Variants in CELSR1 observed in about 807,000 individuals in gnomAD.
CELSR1 encodes adhesion G protein-coupled receptor C1.
A neutral mutation model predicts 249.1 loss-of-function variants in CELSR1; 110 were observed. The observed-to-expected ratio is 0.44, with a 90% CI of 0.38 to 0.52. CELSR1 has a LOEUF of 0.52. Among genes scored for constraint, CELSR1 ranks in the 20% least tolerant of loss-of-function variants. CELSR1 has a pLI of 0.00. For synonymous variants in CELSR1, 2,113 were observed against 1,900.0 expected, an observed-to-expected ratio of 1.11 and a Z score of -2.92; for missense variants, 4,109 against 4,296.4, an observed-to-expected ratio of 0.96 and a Z score of 1.22.
At chr22:46,422,941 A>G (rs2079494670) in intron 5 of CELSR1, among the ~76,000 whole-genome samples, 1 of 152,196 alleles carries the variant, frequency 6.6e-6, no homozygotes, top group East Asian at 1.9e-4. Flanking sequence ...TATAAGGGCC[A>G]CGATGATGCC....
chr22:46,371,594 C>T (rs1476214466), intron 25 of CELSR1, among the ~76,000 whole-genome samples: 1 of 151,192 alleles, frequency 6.6e-6, no homozygotes, highest in Admixed American at 6.6e-5. Flanking sequence ...TTACTCATTT[C>T]ATTGTCATCC....
rs756923772 is a variant in CELSR1, at chr22:46,534,081, A to G, written c.3090T>C (p.Pro1030=). 6.2e-7 allele frequency: 1 copy of G among 1,613,744 alleles called. No homozygotes were observed. The highest frequency in any genetic ancestry group is 1.7e-5 in the Admixed American group (1 of 60,020). ...CAATCTGATACATGATCTGGGCATTAGGGCCTTCATCAGGGTCGTTAGCAC... is the reference window on the plus strand; with the variant it reads ...CAATCTGATACATGATCTGGGCATTGGGGCCTTCATCAGGGTCGTTAGCAC... ...KIRANDPDEG[P]NAQIMYQIVE... Residue 1030 remains proline, a synonymous_variant, in exon 1 of 35, where the codon CCT becomes CCC. Transcript: ENST00000674500. This position sits in a 1 kb window ranked among gnomAD's most constrained non-coding sequence, Gnocchi z 9.7.
At chr22:46,507,262 A>T (rs142704444) in intron 1 of CELSR1, among the ~76,000 whole-genome samples, 3 of 152,290 alleles carry the variant, frequency 2.0e-5, no homozygotes, top group African/African-American at 7.2e-5. Context: ...CCCCAGAGAG[A>T]GCACAGAGGC....
intron 1 of CELSR1, among the ~76,000 whole-genome samples, chr22:46,465,919 G>A (rs1602176683): frequency 6.6e-6 from 1 of 152,220 alleles, no homozygotes. Flanking sequence ...TCATGCCCTG[G>A]GTGCTGTTGC....
At position 46,369,640 on chromosome 22, in the gene CELSR1, C is replaced by G. The variant is rs1375998766; in HGVS notation, c.7872+52G>C. 5.2e-6 allele frequency: 8 copies of G among 1,542,504 alleles called. No individual in the cohort carries two copies. The African/African-American group carries it at 6.8e-5, about 13-fold the overall frequency. On this transcript the variant is annotated intron_variant, in intron 26 of 34. Coordinates refer to ENST00000674500, the MANE Select transcript of CELSR1 (RefSeq NM_001378328.1). ...CCCAGCCAACCCAGAACAGCCCTTC[C>G]AGCTCATGCATGTTTGGGGCACCCG...
At chr22:46,497,303 A>G (rs1490260930) in intron 1 of CELSR1, among the ~76,000 whole-genome samples, 1 of 152,256 alleles carries the variant, frequency 6.6e-6, no homozygotes, top group Non-Finnish European at 1.5e-5. Flanking sequence ...ATCTGTGAAT[A>G]ACAGCAATGT....
At chr22:46,404,462 C>T (rs1330715863) in intron 9 of CELSR1, among the ~76,000 whole-genome samples, 4 of 152,024 alleles carry the variant, frequency 2.6e-5, no homozygotes, top group South Asian at 2.1e-4. Flanking sequence ...TGCTTGCTAA[C>T]CTAGAAATCT....
chr22:46,396,928 CAG>C lies in CELSR1; in HGVS notation c.5702-184_5702-183del, dbSNP rs2079154131. On this transcript the variant is annotated intron_variant, in intron 12 of 34. Coordinates refer to ENST00000674500, the MANE Select transcript of CELSR1 (RefSeq NM_001378328.1). This position sits in a 1 kb window ranked among gnomAD's most constrained non-coding sequence, Gnocchi z 6.4. ...GTTAGGCGGGTTAGACTTAGTGATG[CAG>C]AGAGGAAGGCCTTCCCGGGCTGCCC... 6.6e-6 allele frequency among the ~76,000 whole-genome samples: 1 copy of C among 152,118 alleles called. No individual in the cohort carries two copies. The highest frequency in any genetic ancestry group is 1.5e-5 in the Non-Finnish European group (1 of 68,028).
chr22:46,386,757 TTG>T lies in CELSR1; in HGVS notation c.6556-174_6556-173del, dbSNP rs200439059. Among the ~76,000 whole-genome samples the T allele has an allele frequency of 4.7e-3, 721 of 152,046 alleles. 4 individuals carry two copies. Among genetic ancestry groups the T allele is most frequent in the African/African-American group, 0.016 (655 of 41,312 alleles). On this transcript the variant is annotated intron_variant, in intron 18 of 34. Transcript: ENST00000674500. ...GTTGTTTTTTGTTTTTTGTTGTTTT[TTG>T]TGTTTTTTTTTGAGACACACTTCCG...
In CELSR1 at chr22:46,409,101, G is replaced by C; in HGVS notation, c.5121C>G (p.Ile1707Met). 6.2e-7 allele frequency: 1 copy of C among 1,612,448 alleles called. No individual in the cohort carries two copies. Among genetic ancestry groups the C allele is most frequent in the Non-Finnish European group, 8.5e-7 (1 of 1,179,438 alleles). The change falls in exon 9 of 35, where the codon ATC (isoleucine) becomes ATG (methionine). Residue 1707 changes from isoleucine to methionine, a missense_variant. Around this residue, in one of 7 missense-constraint regions of CELSR1, gnomAD observed 16 missense variants for 40.1 expected, o/e 0.40. Coordinates refer to ENST00000674500, the MANE Select transcript of CELSR1 (RefSeq NM_001378328.1). The surrounding 1 kb of genome is among the most constrained non-coding windows in gnomAD (Gnocchi z 9.8). The part of the protein sequence containing the change: ...ESVVSWSDLN[I>M]IISVPWYLGL... ...CCAGGTACCAGGGCACAGAGATGATGATGTTCAGGTCACTCCAGGACACGA... is the reference window on the plus strand; with the variant it reads ...CCAGGTACCAGGGCACAGAGATGATCATGTTCAGGTCACTCCAGGACACGA...
At chr22:46,485,776 C>A (rs1354987406) in intron 1 of CELSR1, among the ~76,000 whole-genome samples, 1 of 152,128 alleles carries the variant, frequency 6.6e-6, no homozygotes, top group Non-Finnish European at 1.5e-5. Context: ...CGCACTGGAG[C>A]CATCAGACCC....
chr22:46,518,609 T>G lies in CELSR1; in HGVS notation c.3544+15018A>C, dbSNP rs2080652680. Among the ~76,000 whole-genome samples, 1 of 152,168 alleles carries G rather than the reference T, an allele frequency of 6.6e-6. No homozygotes were observed. Among genetic ancestry groups the G allele is most frequent in the South Asian group, 2.1e-4 (1 of 4,820 alleles). On this transcript the variant is annotated intron_variant, in intron 1 of 34. Transcript: ENST00000674500. The surrounding 1 kb of genome is among the most constrained non-coding windows in gnomAD (Gnocchi z 5.2). ...CTAACTTGGAAATAAAGGCTGCAGA[T>G]GAAGATATAAATTAAGATGGGGCCA... is the stretch of plus-strand genomic sequence containing the variant.
intron 1 of CELSR1, among the ~76,000 whole-genome samples, chr22:46,499,138 C>A (rs1020206723): frequency 1.3e-5 from 2 of 150,084 alleles, no homozygotes; most frequent in African/African-American, 2.5e-5. Context: ...CGAGATCGTG[C>A]CACTGCACTC....
Position 46,380,840 on chromosome 22 carries a change from C to A in CELSR1, c.7204G>T (p.Glu2402Ter). The change falls in exon 22 of 35, where the codon GAG becomes TAG. Residue 2402 changes from glutamate to a stop codon, truncating the protein, a stop_gained. Transcript: ENST00000674500. LOFTEE classifies it high-confidence loss of function. The surrounding 1 kb of genome is among the most constrained non-coding windows in gnomAD (Gnocchi z 5.1). Reference protein sequence around the residue: ...RPVLVEFALLEVEERTKPVCV... With the variant: ...RPVLVEFALL ...ACAGGCTTGGTTCGCTCCTCCACCTCCAGCAGGGCGAACTCCACCAGGACG... is the reference window on the plus strand; with the variant it reads ...ACAGGCTTGGTTCGCTCCTCCACCTACAGCAGGGCGAACTCCACCAGGACG... 6.2e-7 allele frequency: 1 copy of A among 1,612,192 alleles called. No homozygotes were observed. The highest frequency in any genetic ancestry group is 8.5e-7 in the Non-Finnish European group (1 of 1,179,842).
At position 46,400,379 on chromosome 22, in the gene CELSR1, T is replaced by C. The variant is rs574092725; in HGVS notation, c.5227-477A>G. ...TTGGCTGGGAGCAGTGGCTCAGGCC[T>C]TTAATCCCAGCACGTTGGGAGGCCA... On this transcript the variant is annotated intron_variant, in intron 9 of 34. Transcript: ENST00000674500. Among the ~76,000 whole-genome samples, 63 of 151,006 alleles carry C rather than the reference T, an allele frequency of 4.2e-4. 1 individual carries two copies. Among genetic ancestry groups the C allele is most frequent in the African/African-American group, 1.5e-3 (61 of 41,186 alleles).
At chr22:46,366,867 G>T in intron 29 of CELSR1, 126 bp downstream of exon 29, 1 of 1,335,004 alleles carries the variant, frequency 7.5e-7, no homozygotes, top group Non-Finnish European at 1.0e-6. Context: ...CACCGCGGGC[G>T]GCTCTGCCAT....
In CELSR1 at chr22:46,412,561, C is replaced by A. The variant is rs2079350867; in HGVS notation, c.4612-802G>T. ...ACAAGAGTTCTTCTGGAATCAGTGA[C>A]CTTGGGTGAAACCTTTCCCTTCTCC... On this transcript the variant is annotated intron_variant, in intron 5 of 34. Transcript: ENST00000674500. This position sits in a 1 kb window ranked among gnomAD's most constrained non-coding sequence, Gnocchi z 4.5. 6.6e-6 allele frequency among the ~76,000 whole-genome samples: 1 copy of A among 152,158 alleles called. No individual in the cohort carries two copies.
At chr22:46,525,951 G>A (rs1285061967) in intron 1 of CELSR1, among the ~76,000 whole-genome samples, 2 of 152,240 alleles carry the variant, frequency 1.3e-5, no homozygotes. Flanking sequence ...GCCGGCTCCT[G>A]CCCAGGGCTT....
Position 46,366,410 on chromosome 22 carries a change from G to A in CELSR1, c.8276C>T (p.Thr2759Ile), listed in dbSNP as rs1372761956. 4 of 1,549,826 alleles carry A rather than the reference G, an allele frequency of 2.6e-6. No individual in the cohort carries two copies. The highest frequency in any genetic ancestry group is 3.5e-6 in the Non-Finnish European group (4 of 1,146,500). The change falls in exon 30 of 35, where the codon ACC becomes ATC. Residue 2759 changes from threonine to isoleucine, a missense_variant. Physicochemically the swap from Thr to Ile is moderately conservative, Grantham distance 89 (BLOSUM62 -1). Coordinates refer to ENST00000674500, the MANE Select transcript of CELSR1 (RefSeq NM_001378328.1). ...CCTGACGATGCTGTCCAGCGAGGCG[G>A]TGGACTCGCCCAAGTCTGTGCGCAG... ...DMLRTDLGES[T>I]ASLDSIVRDE...
Sources: gnomAD v4.1 joint callset for allele counts (sites outside exome capture counted in the v4.1 genomes callset) on GRCh38, gnomAD v4.1.1 for gene constraint, gnomAD v4.1.1 regional missense constraint, Gnocchi (gnomAD v3.1) non-coding constraint, MANE v1.5 for transcripts, NCBI Gene and HGNC (gene_info 2026-07-23, HGNC 2026-07-21) for gene names.